The following ATXN2 variants were observed in gnomAD, a reference collection of about 807,000 sequenced individuals.
The protein encoded by ATXN2 is ataxin-2.
In ATXN2, 37 loss-of-function variants were observed where a neutral mutation model predicts 138.6. The observed-to-expected ratio is 0.27, with a 90% CI of 0.21 to 0.35. The LOEUF (loss-of-function observed/expected upper bound fraction) is 0.35, where lower values mean the gene tolerates loss of function less well. Among genes scored for constraint, ATXN2 ranks in the 10% least tolerant of loss-of-function variants. The pLI is 1.00. For synonymous variants in ATXN2, 549 were observed against 543.7 expected (o/e 1.01, Z -0.13); for missense variants, 1,216 against 1,480.3 (o/e 0.82, Z 2.93).
intron 5 of ATXN2, among the ~76,000 whole-genome samples, chr12:111,533,630 A>G (rs1880976739): frequency 6.6e-6 from 1 of 152,066 alleles, no homozygotes; most frequent in Non-Finnish European, 1.5e-5. Context: ...GGTTCAAGCA[A>G]ATTGCTTGTC....
intron 5 of ATXN2, among the ~76,000 whole-genome samples, chr12:111,541,017 A>T (rs1412672609): frequency 1.3e-5 from 2 of 150,092 alleles, no homozygotes; most frequent in African/African-American, 2.4e-5. Context: ...TCTCTTTATA[A>T]TCAAAGGTAT....
chr12:111,493,025 A>G (rs926664221), intron 14 of ATXN2, among the ~76,000 whole-genome samples: 3 of 152,218 alleles, frequency 2.0e-5, no homozygotes, highest in Non-Finnish European at 4.4e-5. Context: ...CCAAAGTGGA[A>G]AAATTCAATT....
At chr12:111,581,398 C>A in intron 1 of ATXN2, 1 of 703,556 alleles carries the variant, frequency 1.4e-6, no homozygotes, top group Non-Finnish European at 2.6e-6. Flanking sequence ...AATGTCCAAA[C>A]CTCTTCACTC....
At chr12:111,495,801 A>G (rs1291489470) in intron 14 of ATXN2, among the ~76,000 whole-genome samples, 1 of 152,066 alleles carries the variant, frequency 6.6e-6, no homozygotes, top group Non-Finnish European at 1.5e-5. Flanking sequence ...CTTCTCCTCA[A>G]CATATGGATT....
At chr12:111,548,744 CA>C (rs1248171547) in intron 5 of ATXN2, among the ~76,000 whole-genome samples, 1 of 152,108 alleles carries the variant, frequency 6.6e-6, no homozygotes, top group African/African-American at 2.4e-5. Context: ...AAATAAAGCA[CA>C]AATTCTTTTT....
chr12:111,509,249 A>G (rs1348732210), intron 14 of ATXN2, among the ~76,000 whole-genome samples: 2 of 152,156 alleles, frequency 1.3e-5, no homozygotes, highest in Non-Finnish European at 2.9e-5. Context: ...GCCTTGCTCT[A>G]CTAATATCTA....
Position 111,580,526 on chromosome 12 carries a change from A to G in ATXN2, c.251+18258T>C, listed in dbSNP as rs569353039. Among the ~76,000 whole-genome samples the G allele has an allele frequency of 4.0e-5, 6 of 151,170 alleles. No homozygotes were observed. In the South Asian group the frequency reaches 1.1e-3, roughly 26 times the overall value. The stretch of plus-strand genomic sequence containing the variant: ...GTCTCCAAAAAAGAAAAAAAAAAAA[A>G]AGATGACAACGGAACGGGAGGTGGG... On this transcript the variant is annotated intron_variant, in intron 1 of 24. Coordinates refer to ENST00000673436, the MANE Select transcript of ATXN2 (RefSeq NM_001372574.1).
chr12:111,555,516 A>C (rs1425661314), intron 2 of ATXN2, among the ~76,000 whole-genome samples: 1 of 152,086 alleles, frequency 6.6e-6, no homozygotes, highest in Admixed American at 6.6e-5. Flanking sequence ...TTTGCTCAGC[A>C]CTTCTCTCTC....
At chr12:111,515,607 A>C (rs1879807110) in intron 10 of ATXN2, among the ~76,000 whole-genome samples, 1 of 152,232 alleles carries the variant, frequency 6.6e-6, no homozygotes, top group South Asian at 2.1e-4. Context: ...TTGCAAAGCT[A>C]ACTTTAAAAA....
chr12:111,537,892 T>TCC (rs1881281632), intron 5 of ATXN2, among the ~76,000 whole-genome samples: 1 of 152,030 alleles, frequency 6.6e-6, no homozygotes, highest in Admixed American at 6.6e-5. Flanking sequence ...GGCCCAGAGT[T>TCC]TGAGACCAGC....
At chr12:111,498,780 A>G (rs76017990) in intron 14 of ATXN2, among the ~76,000 whole-genome samples, 1 of 152,356 alleles carries the variant, frequency 6.6e-6, no homozygotes, top group Non-Finnish European at 1.5e-5. Flanking sequence ...CAAAATGAAC[A>G]AAACGGGAGG....
At chr12:111,494,572 C>T (rs772305999) in intron 14 of ATXN2, among the ~76,000 whole-genome samples, 1 of 151,914 alleles carries the variant, frequency 6.6e-6, no homozygotes, top group Non-Finnish European at 1.5e-5. Context: ...ATTACAGGCA[C>T]GTGCCTCCAC....
chr12:111,477,884 C>T (rs1467678138), intron 18 of ATXN2, among the ~76,000 whole-genome samples: 2 of 152,092 alleles, frequency 1.3e-5, no homozygotes, highest in East Asian at 3.9e-4. Context: ...CAACCTCGCT[C>T]AAGCGATTGT....
intron 14 of ATXN2, among the ~76,000 whole-genome samples, chr12:111,503,606 CT>C (rs762044760): frequency 5.4e-5 from 8 of 149,502 alleles, no homozygotes; most frequent in Admixed American, 3.3e-4. Flanking sequence ...TTTCCACTCT[CT>C]TTTTTTTTCT....
intron 14 of ATXN2, among the ~76,000 whole-genome samples, chr12:111,497,647 C>A (rs145580348): frequency 6.6e-6 from 1 of 151,106 alleles, no homozygotes; most frequent in African/African-American, 2.4e-5. Context: ...ATTATTTATA[C>A]TGTGTATGAT....
rs548791933 is a variant in ATXN2 at position 111,507,392 on chromosome 12, C to T, written c.1935+2157G>A. Among the ~76,000 whole-genome samples, 12 of 149,356 alleles carry T rather than the reference C, an allele frequency of 8.0e-5. No individual in the cohort carries two copies. The South Asian group carries it at 1.5e-3, about 19-fold the overall frequency. On this transcript the variant is annotated intron_variant, in intron 14 of 24. Transcript: ENST00000673436. ...GTGAGGAGCCCCTCTGCCCGGCAGC[C>T]GCCCCGTCTGAGAAGTGAGAAGCCC...
intron 1 of ATXN2, among the ~76,000 whole-genome samples, chr12:111,577,583 A>G (rs1883746073): frequency 6.6e-6 from 1 of 152,136 alleles, no homozygotes. Flanking sequence ...TCAATTAACA[A>G]CAGACCTATA....
chr12:111,553,767 G>GT (rs1333694179), intron 3 of ATXN2, among the ~76,000 whole-genome samples: 5 of 151,378 alleles, frequency 3.3e-5, no homozygotes, highest in Admixed American at 6.6e-5. Flanking sequence ...CGTTCGGCTA[G>GT]TTTTTTTACT....
chr12:111,577,392 A>T (rs1367177953), intron 1 of ATXN2, among the ~76,000 whole-genome samples: 1 of 151,854 alleles, frequency 6.6e-6, no homozygotes, highest in Non-Finnish European at 1.5e-5. Flanking sequence ...CAGCCTCCCG[A>T]GTAGCTGGGA....
Sources: allele counts gnomAD v4.1 joint callset (sites outside exome capture counted in the v4.1 genomes callset), GRCh38; gene constraint gnomAD v4.1.1; transcripts MANE v1.5; gene names NCBI Gene and HGNC (gene_info 2026-07-23, HGNC 2026-07-21).